Variants in GALNT17 observed in about 807,000 individuals in gnomAD.
GALNT17 encodes the protein UDP-GalNAc:polypeptide N-acetylgalactosaminyltransferase-like 3.
A neutral mutation model predicts 63.7 loss-of-function variants in GALNT17; 29 were observed. The ratio of observed to expected loss-of-function variants is 0.46; its 90% confidence interval spans 0.34 to 0.62. GALNT17 has a LOEUF of 0.62. GALNT17 is among the 20% of genes least tolerant of loss of function. The pLI is 0.01. For synonymous variants in GALNT17, 305 were observed against 318.3 expected, an observed-to-expected ratio of 0.96 and a Z score of 0.45; for missense variants, 603 against 799.6, an observed-to-expected ratio of 0.75 and a Z score of 2.97.
At chr7:71,452,047 A>C (rs1394744407) in intron 5 of GALNT17, among the ~76,000 whole-genome samples, 1 of 152,090 alleles carries the variant, frequency 6.6e-6, no homozygotes, top group Non-Finnish European at 1.5e-5. Flanking sequence ...CCAACTCTAC[A>C]AAAAATGAAA....
chr7:71,633,357 C>T (rs1474735476), intron 6 of GALNT17, among the ~76,000 whole-genome samples: 3 of 152,110 alleles, frequency 2.0e-5, no homozygotes, highest in Non-Finnish European at 4.4e-5. Context: ...CATGGCCTGC[C>T]TAACCTGACC....
rs772844974 is a variant in GALNT17, at chr7:71,677,225, G to A, written c.1419G>A (p.Lys473=). 72 of 1,613,828 alleles carry A rather than the reference G, an allele frequency of 4.5e-5. No homozygotes were observed. The highest frequency in any genetic ancestry group is 5.9e-5 in the Non-Finnish European group (70 of 1,179,920). ...TATTCTTGCAGCTTCGCAACAACAA[G>A]GCAAAAGACGTCTGCTTGGACCAGG... ...TVAYGELRNN[K]AKDVCLDQGP... The change falls in exon 9 of 11, where the codon AAG becomes AAA. Residue 473 remains lysine (K), a synonymous_variant. Coordinates refer to ENST00000333538, the MANE Select transcript of GALNT17 (RefSeq NM_022479.3).
intron 5 of GALNT17, among the ~76,000 whole-genome samples, chr7:71,530,536 G>GAATT (rs1230098574): frequency 2.2e-5 from 3 of 138,958 alleles, no homozygotes; most frequent in Non-Finnish European, 3.1e-5. Context: ...AGAGGTACAA[G>GAATT]AATTTATTTA....
intron 8 of GALNT17, among the ~76,000 whole-genome samples, chr7:71,673,442 A>G (rs145271959): frequency 6.6e-6 from 1 of 152,288 alleles, no homozygotes; most frequent in East Asian, 1.9e-4. Flanking sequence ...AATCGCTGCT[A>G]TTTTAGATTG....
intron 5 of GALNT17, among the ~76,000 whole-genome samples, chr7:71,455,653 G>T (rs1159595209): frequency 6.6e-6 from 1 of 152,132 alleles, no homozygotes; most frequent in Non-Finnish European, 1.5e-5. Flanking sequence ...TGTTCCCAGA[G>T]AAGGCAGCTC....
intron 5 of GALNT17, among the ~76,000 whole-genome samples, chr7:71,531,576 A>T (rs764694149): frequency 6.6e-6 from 1 of 152,140 alleles, no homozygotes; most frequent in Non-Finnish European, 1.5e-5. Context: ...CCTAGATATA[A>T]ACTCATTTAA....
intron 10 of GALNT17, among the ~76,000 whole-genome samples, chr7:71,711,658 TTA>T (rs1006082737): frequency 2.0e-5 from 3 of 150,544 alleles, no homozygotes; most frequent in Admixed American, 6.6e-5. Context: ...TCTCTCCCCT[TTA>T]TCTTTCTCTT....
chr7:71,435,704 C>G (rs1286690289), intron 5 of GALNT17, among the ~76,000 whole-genome samples: 2 of 152,040 alleles, frequency 1.3e-5, no homozygotes, highest in Non-Finnish European at 2.9e-5. Flanking sequence ...CTGGCCTTCC[C>G]CCACCGAAGT....
intron 9 of GALNT17, among the ~76,000 whole-genome samples, chr7:71,695,297 GT>G (rs1791523355): frequency 6.6e-6 from 1 of 152,130 alleles, no homozygotes. Context: ...TCAGCCTGAG[GT>G]TTTTGTGGCA....
At chr7:71,555,648 G>A (rs1584046870) in intron 5 of GALNT17, among the ~76,000 whole-genome samples, 1 of 151,774 alleles carries the variant, frequency 6.6e-6, no homozygotes, top group African/African-American at 2.4e-5. Context: ...TCTCAACCCT[G>A]GTTGTGCTTT....
chr7:71,472,346 T>C (rs1213936377), intron 5 of GALNT17, among the ~76,000 whole-genome samples: 1 of 152,150 alleles, frequency 6.6e-6, no homozygotes, highest in Non-Finnish European at 1.5e-5. Context: ...GTGGAAGATG[T>C]TTACTGAACT....
At chr7:71,321,962 T>TTCC (rs1791625334) in intron 1 of GALNT17, among the ~76,000 whole-genome samples, 1 of 124,046 alleles carries the variant, frequency 8.1e-6, no homozygotes, top group Non-Finnish European at 1.7e-5. Context: ...CCTTCCTTCC[T>TTCC]TTTTTTTGAG....
chr7:71,320,580 C>A (rs1272611162), intron 1 of GALNT17, among the ~76,000 whole-genome samples: 2 of 152,114 alleles, frequency 1.3e-5, no homozygotes. Context: ...AAGAAATCTA[C>A]ATCTAAGTAA....
Position 71,713,283 on chromosome 7 carries a change from G to GGCT in GALNT17, c.*1138_*1140dup, listed in dbSNP as rs1194578129. ...ATGCTGACCTAGCTGTGTGGCCTTG[G>GGCT]GCTTGCTGCTTCATTACTCACCTGG... On this transcript the variant is annotated 3_prime_UTR_variant, in exon 11 of 11. Coordinates refer to ENST00000333538, the MANE Select transcript of GALNT17 (RefSeq NM_022479.3). 6.5e-6 allele frequency: 1 copy of GGCT among 153,384 alleles called. No individual in the cohort carries two copies. The highest frequency in any genetic ancestry group is 1.5e-5 in the Non-Finnish European group (1 of 68,892). The allele number at this position is 153,384 out of a possible 1,614,324, so 9.5% of individuals were successfully genotyped here.
chr7:71,340,267 G>A (rs1791985724), intron 2 of GALNT17, among the ~76,000 whole-genome samples: 1 of 152,166 alleles, frequency 6.6e-6, no homozygotes. Flanking sequence ...AATATGGGAG[G>A]TTTACTCCCT....
intron 1 of GALNT17, among the ~76,000 whole-genome samples, chr7:71,265,118 ATTTTT>A (rs60738546): frequency 1.6e-4 from 6 of 37,460 alleles, no homozygotes; most frequent in African/African-American, 3.4e-4. Context: ...ATATATATAT[ATTTTT>A]TTTTTTTTTT....
At chr7:71,282,506 C>T (rs925715968) in intron 1 of GALNT17, among the ~76,000 whole-genome samples, 5 of 152,222 alleles carry the variant, frequency 3.3e-5, no homozygotes, top group African/African-American at 1.2e-4. Context: ...ATGCCCATTC[C>T]GTATTTGTTG....
intron 1 of GALNT17, among the ~76,000 whole-genome samples, chr7:71,163,745 G>C (rs1374665214): frequency 6.6e-6 from 1 of 152,198 alleles, no homozygotes; most frequent in African/African-American, 2.4e-5. Flanking sequence ...AGGCCTCTTA[G>C]ATAGAGGCCA....
At chr7:71,167,175 C>T (rs1254452172) in intron 1 of GALNT17, among the ~76,000 whole-genome samples, 4 of 151,632 alleles carry the variant, frequency 2.6e-5, no homozygotes, top group African/African-American at 7.3e-5. Context: ...ACATGAACCA[C>T]TGTGCCTGGC....
Sources: gnomAD v4.1 joint callset for allele counts (sites outside exome capture counted in the v4.1 genomes callset) on GRCh38, gnomAD v4.1.1 for gene constraint, MANE v1.5 for transcripts, NCBI Gene and HGNC (gene_info 2026-07-23, HGNC 2026-07-21) for gene names.